The following RGS7 variants were observed in gnomAD, a reference collection of about 807,000 sequenced individuals.
The protein encoded by RGS7 is regulator of G protein signaling 7.
A neutral mutation model predicts 81.1 loss-of-function variants in RGS7; 27 were observed. The observed-to-expected ratio is 0.33, with a 90% CI of 0.25 to 0.46. The LOEUF is 0.46. RGS7 is among the 20% of genes least tolerant of loss of function. The pLI is 1.00. For synonymous variants in RGS7, 208 were observed against 207.7 expected, an observed-to-expected ratio of 1.00 and a Z score of -0.01; for missense variants, 396 against 607.4, an observed-to-expected ratio of 0.65 and a Z score of 3.66.
At chr1:240,801,429 A>G (rs376249525) in intron 17 of RGS7, 26 bp downstream of exon 17, 4 of 1,495,954 alleles carry the variant, frequency 2.7e-6, no homozygotes, top group African/African-American at 1.4e-5. Flanking sequence ...TTAATGATTC[A>G]TAATTCCTCA....
intron 3 of RGS7, among the ~76,000 whole-genome samples, chr1:241,094,598 A>G (rs544943455): frequency 7.1e-6 from 1 of 141,206 alleles, no homozygotes; most frequent in South Asian, 2.2e-4. Flanking sequence ...TGAAATCAAC[A>G]ACTCTAAAAC....
chr1:240,834,867 G>A (rs1023726102), intron 9 of RGS7, among the ~76,000 whole-genome samples: 7 of 151,734 alleles, frequency 4.6e-5, no homozygotes, highest in Non-Finnish European at 1.0e-4. Flanking sequence ...TTAAACAGGA[G>A]AGTGACTTCA....
intron 4 of RGS7, among the ~76,000 whole-genome samples, chr1:240,954,754 T>C (rs1384334332): frequency 6.6e-6 from 1 of 152,032 alleles, no homozygotes; most frequent in African/African-American, 2.4e-5. Flanking sequence ...GCTAGTTCAA[T>C]AAGGCAAAGA....
At chr1:241,202,011 GACACACACACACACAC>G (rs60399497) in intron 2 of RGS7, among the ~76,000 whole-genome samples, 1 of 144,970 alleles carries the variant, frequency 6.9e-6, no homozygotes, top group East Asian at 2.1e-4. Context: ...GACACACACA[GACACACACACACACAC>G]ACACACACAC....
At chr1:241,061,607 C>T (rs975607608) in intron 3 of RGS7, among the ~76,000 whole-genome samples, 7 of 152,034 alleles carry the variant, frequency 4.6e-5, no homozygotes, top group Admixed American at 1.3e-4. Flanking sequence ...CTTGGGAGCA[C>T]GCAGGAGGAC....
chr1:241,329,619 G>A (rs2081841961), intron 2 of RGS7, among the ~76,000 whole-genome samples: 1 of 152,138 alleles, frequency 6.6e-6, no homozygotes, highest in African/African-American at 2.4e-5. Flanking sequence ...TCCCTTTAAT[G>A]TTATTCCATA....
At chr1:241,028,885 A>C (rs576431448) in intron 3 of RGS7, among the ~76,000 whole-genome samples, 32 of 152,316 alleles carry the variant, frequency 2.1e-4, no homozygotes, top group Non-Finnish European at 3.2e-4. Context: ...TTGACACAGA[A>C]GACCCAAAGG....
chr1:240,776,640 C>G (rs1321592832), intron 18 of RGS7, among the ~76,000 whole-genome samples: 1 of 152,048 alleles, frequency 6.6e-6, no homozygotes, highest in African/African-American at 2.4e-5. Flanking sequence ...TGTTCAATGG[C>G]TGAAATTAAT....
intron 2 of RGS7, among the ~76,000 whole-genome samples, chr1:241,161,720 T>C (rs1376336420): frequency 3.4e-5 from 2 of 59,310 alleles, no homozygotes; most frequent in South Asian, 6.8e-4. Context: ...GTTTTATTGC[T>C]TTTTTTTTTT....
chr1:241,313,391 G>A (rs12728584), intron 2 of RGS7, among the ~76,000 whole-genome samples: 12,839 of 152,230 alleles, frequency 0.084, 622 homozygotes, highest in African/African-American at 0.13. Flanking sequence ...GGCTAATGCC[G>A]CTGGTGACTT....
In RGS7 at chr1:240,979,577, T is replaced by C. The variant is rs149375228; in HGVS notation, c.226+3502A>G. Among the ~76,000 whole-genome samples, 950 of 152,236 alleles carry C rather than the reference T, an allele frequency of 6.2e-3. 14 individuals carry two copies. Among genetic ancestry groups the C allele is most frequent in the African/African-American group, 0.021 (880 of 41,538 alleles). On this transcript the variant is annotated intron_variant, in intron 4 of 18. Coordinates refer to ENST00000440928, the MANE Select transcript of RGS7 (RefSeq NM_001364886.1). ...CATTTTGGTTGTGTTGAGTTTGACG[T>C]TTCGGGGAGAGGCCTTAGGCACTGG...
intron 3 of RGS7, among the ~76,000 whole-genome samples, chr1:241,090,562 G>GA (rs901048992): frequency 2.7e-5 from 4 of 150,598 alleles, no homozygotes; most frequent in East Asian, 1.9e-4. Context: ...ATTGCCTTGA[G>GA]AAAAAAAAAG....
intron 3 of RGS7, among the ~76,000 whole-genome samples, chr1:241,069,784 A>G (rs973066373): frequency 6.6e-6 from 1 of 152,224 alleles, no homozygotes; most frequent in Non-Finnish European, 1.5e-5. Flanking sequence ...TGATTGGAAC[A>G]GGATAATAGA....
rs146305262 is a variant in RGS7, at chr1:241,347,886, C to T, written c.78+7813G>A. Among the ~76,000 whole-genome samples, 62 of 151,904 alleles carry T rather than the reference C, an allele frequency of 4.1e-4. 1 individual carries two copies. Among genetic ancestry groups the T allele is most frequent in the African/African-American group, 1.5e-3 (62 of 41,434 alleles). ...GGTCTATGGTCTTCCTTTAAAAGTT[C>T]TGTTGTATTCTCTTGAAAAAAAAAT... is the stretch of plus-strand genomic sequence containing the variant. On this transcript the variant is annotated intron_variant, in intron 2 of 18. Coordinates refer to ENST00000440928, the MANE Select transcript of RGS7 (RefSeq NM_001364886.1).
At chr1:241,194,894 G>A (rs2072950247) in intron 2 of RGS7, among the ~76,000 whole-genome samples, 1 of 152,136 alleles carries the variant, frequency 6.6e-6, no homozygotes, top group Admixed American at 6.5e-5. Flanking sequence ...TGCCTTCCAG[G>A]AATGAAAAAT....
In RGS7 at chr1:240,999,207, C is replaced by T. The variant is rs560519524; in HGVS notation, c.176-16078G>A. On this transcript the variant is annotated intron_variant, in intron 3 of 18. Transcript: ENST00000440928. Reference sequence around the variant, plus strand: ...GAGAATTTCAGTTTATTTCCTGAGGCCTTCTAGTTTGTAATATGCTTAAAG... The same window carrying T: ...GAGAATTTCAGTTTATTTCCTGAGGTCTTCTAGTTTGTAATATGCTTAAAG... 1.6e-4 allele frequency among the ~76,000 whole-genome samples: 24 copies of T among 151,470 alleles called. No homozygotes were observed. In the East Asian group the frequency reaches 3.3e-3, roughly 21 times the overall value.
intron 2 of RGS7, among the ~76,000 whole-genome samples, chr1:241,150,845 T>C (rs894919946): frequency 6.6e-6 from 1 of 150,906 alleles, no homozygotes; most frequent in Non-Finnish European, 1.5e-5. Flanking sequence ...TCCGAAGGCC[T>C]GAGAATCAAG....
chr1:240,982,249 G>T (rs535307663), intron 4 of RGS7, among the ~76,000 whole-genome samples: 4 of 151,654 alleles, frequency 2.6e-5, no homozygotes, highest in Non-Finnish European at 5.9e-5. Flanking sequence ...GTGAAACCCC[G>T]ACTCTACTAA....
intron 2 of RGS7, among the ~76,000 whole-genome samples, chr1:241,143,194 G>A (rs903155577): frequency 6.6e-6 from 1 of 152,116 alleles, no homozygotes; most frequent in Non-Finnish European, 1.5e-5. Context: ...ACATTTTACT[G>A]TCTTCTTCTG....
Sources: gnomAD v4.1 joint callset for allele counts (sites outside exome capture counted in the v4.1 genomes callset) on GRCh38, gnomAD v4.1.1 for gene constraint, MANE v1.5 for transcripts, NCBI Gene and HGNC (gene_info 2026-07-23, HGNC 2026-07-21) for gene names.